Variants in CDA observed in about 807,000 individuals in gnomAD.
CDA encodes the protein cytidine deaminase.
CDA carries 7 observed loss-of-function variants against 15.0 expected under a neutral mutation model. The observed-to-expected ratio is 0.47, with a 90% confidence interval of 0.26 to 0.87. The LOEUF is 0.87. CDA is among the 40% of genes least tolerant of loss of function. CDA has a pLI of 0.15. For synonymous variants in CDA, 58 were observed against 73.0 expected (o/e 0.79, Z 1.05); for missense variants, 159 against 182.7 (o/e 0.87, Z 0.75).
chr1:20,614,172 C>T (rs2052782148), intron 3 of CDA, among the ~76,000 whole-genome samples: 1 of 152,178 alleles, frequency 6.6e-6, no homozygotes. Context: ...ATGGGCCAGG[C>T]CCTGCCCTCA....
At chr1:20,593,377 T>A (rs1350539792) in intron 1 of CDA, among the ~76,000 whole-genome samples, 1 of 152,176 alleles carries the variant, frequency 6.6e-6, no homozygotes, top group African/African-American at 2.4e-5. Flanking sequence ...GTACTTCCTA[T>A]GGTCAACGTC....
chr1:20,597,778 G>T (rs2052603490), intron 1 of CDA, among the ~76,000 whole-genome samples: 1 of 152,166 alleles, frequency 6.6e-6, no homozygotes, highest in South Asian at 2.1e-4. Context: ...AAACAGAATT[G>T]GTTTGCCTGG....
intron 2 of CDA, among the ~76,000 whole-genome samples, chr1:20,609,300 C>T (rs1434080784): frequency 3.3e-5 from 5 of 152,068 alleles, no homozygotes; most frequent in Admixed American, 6.6e-5. Flanking sequence ...CTGCCTAACA[C>T]GGTGAAACCC....
In CDA at chr1:20,613,894, A is replaced by T; in HGVS notation, c.319A>T (p.Arg107Ter). 6.2e-7 allele frequency: 1 copy of T among 1,613,698 alleles called. No homozygotes were observed. Among genetic ancestry groups the T allele is most frequent in the South Asian group, 1.1e-5 (1 of 91,060 alleles). Residue 107 changes from arginine (R) to a stop codon, truncating the protein, a stop_gained, in exon 3 of 4, where the codon AGA becomes TGA. Transcript: ENST00000375071. LOFTEE classifies it high-confidence loss of function. ...ATGTGGGGCCTGCAGGCAAGTCATG[A>T]GAGAGGTAAGCAGCTTCTCTTGCTG... is the stretch of plus-strand genomic sequence containing the variant. ...SPCGACRQVM[R>*]EFGTNWPVYM...
At chr1:20,601,357 G>T (rs1321613347) in intron 1 of CDA, among the ~76,000 whole-genome samples, 1 of 152,226 alleles carries the variant, frequency 6.6e-6, no homozygotes, top group Non-Finnish European at 1.5e-5. Flanking sequence ...TAGGAGACAA[G>T]ATGGCAGCTC....
At chr1:20,598,651 G>A (rs773648037) in intron 1 of CDA, among the ~76,000 whole-genome samples, 2 of 152,210 alleles carry the variant, frequency 1.3e-5, no homozygotes, top group Non-Finnish European at 2.9e-5. Flanking sequence ...TGCCCTGACA[G>A]GATGGAGAGA....
intron 1 of CDA, among the ~76,000 whole-genome samples, chr1:20,592,570 C>G (rs187220559): frequency 1.1e-4 from 17 of 152,242 alleles, no homozygotes; most frequent in African/African-American, 4.1e-4. Flanking sequence ...GTGACAGGTG[C>G]TCAGCAAGGG....
chr1:20,615,131 A>C (rs2052789641), intron 3 of CDA, among the ~76,000 whole-genome samples: 1 of 151,856 alleles, frequency 6.6e-6, no homozygotes, highest in Non-Finnish European at 1.5e-5. Flanking sequence ...AAGTGCTGGG[A>C]TTACAGGCGT....
intron 3 of CDA, 122 bp from the exon 4 acceptor site, chr1:20,618,330 A>G (rs2052837025): frequency 1.4e-6 from 1 of 704,846 alleles, no homozygotes; most frequent in Admixed American, 2.0e-5. Context: ...CCCCTTTTAC[A>G]GATGAGAAAA....
chr1:20,590,764 C>T (rs1459960232), intron 1 of CDA, among the ~76,000 whole-genome samples: 1 of 152,206 alleles, frequency 6.6e-6, no homozygotes, highest in Non-Finnish European at 1.5e-5. Context: ...TCAGAACAGG[C>T]ACTCAATAAC....
rs139263960 is a variant in CDA, at chr1:20,613,867, C to T, written c.292C>T (p.Pro98Ser). Residue 98 changes from proline (P) to serine (S), a missense_variant, in exon 3 of 4, where the codon CCA becomes TCA. Pro to Ser is a moderately conservative substitution (Grantham distance 74). Transcript: ENST00000375071. Reference protein sequence around the residue: ...ASDMQDDFISPCGACRQVMRE... With the variant: ...ASDMQDDFISSCGACRQVMRE... ...TGACATGCAAGATGATTTTATCTCT[C>T]CATGTGGGGCCTGCAGGCAAGTCAT... is the stretch of plus-strand genomic sequence containing the variant. 16 of 1,614,006 alleles carry T rather than the reference C, an allele frequency of 9.9e-6. No individual in the cohort carries two copies. Among genetic ancestry groups the T allele is most frequent in the Non-Finnish European group, 1.4e-5 (16 of 1,179,922 alleles).
At chr1:20,602,748 G>A (rs1046776107) in intron 1 of CDA, among the ~76,000 whole-genome samples, 1 of 152,180 alleles carries the variant, frequency 6.6e-6, no homozygotes, top group African/African-American at 2.4e-5. Flanking sequence ...GGCCAGGCTT[G>A]TGGCTTCTTT....
chr1:20,595,375 C>G (rs1315294230), intron 1 of CDA, among the ~76,000 whole-genome samples: 1 of 152,102 alleles, frequency 6.6e-6, no homozygotes, highest in African/African-American at 2.4e-5. Flanking sequence ...GATTCTGTCC[C>G]TGGTCTCCCT....
chr1:20,590,712 T>C (rs2052539776), intron 1 of CDA, among the ~76,000 whole-genome samples: 1 of 152,226 alleles, frequency 6.6e-6, no homozygotes, highest in African/African-American at 2.4e-5. Context: ...TGAATCTTTG[T>C]GCCATTGACT....
At chr1:20,597,737 T>C (rs1242715203) in intron 1 of CDA, among the ~76,000 whole-genome samples, 3 of 152,208 alleles carry the variant, frequency 2.0e-5, no homozygotes, top group Non-Finnish European at 4.4e-5. Flanking sequence ...CTCTCTCATG[T>C]ATGTTTTGAA....
chr1:20,605,307 C>T (rs1035836807), intron 2 of CDA, among the ~76,000 whole-genome samples: 1 of 152,128 alleles, frequency 6.6e-6, no homozygotes, highest in Admixed American at 6.5e-5. Flanking sequence ...AGCAACACAA[C>T]GTGATACAGA....
intron 1 of CDA, among the ~76,000 whole-genome samples, chr1:20,597,864 C>G (rs1305424684): frequency 6.7e-6 from 1 of 150,080 alleles, no homozygotes; most frequent in Non-Finnish European, 1.5e-5. Flanking sequence ...AGTACGTGGG[C>G]AAAGGCTTCC....
chr1:20,594,123 A>C lies in CDA; in HGVS notation c.154+4840A>C, dbSNP rs575340112. On this transcript the variant is annotated intron_variant, in intron 1 of 3. Transcript: ENST00000375071. ...GTGACTTTCTCCAGCTAAACACAAG[A>C]CCGGCACAGGTGAAGGCTTCCCCCT... Among the ~76,000 whole-genome samples, 266 of 152,304 alleles carry C rather than the reference A, an allele frequency of 1.7e-3. 1 individual carries two copies. The highest frequency in any genetic ancestry group is 5.4e-3 in the African/African-American group (224 of 41,570).
chr1:20,612,788 C>G (rs2052765160), intron 2 of CDA, among the ~76,000 whole-genome samples: 1 of 151,828 alleles, frequency 6.6e-6, no homozygotes. Flanking sequence ...ACTAAAATTA[C>G]AAAAATTAGC....
Sources: allele counts gnomAD v4.1 joint callset (sites outside exome capture counted in the v4.1 genomes callset), GRCh38; gene constraint gnomAD v4.1.1; transcripts MANE v1.5; gene names NCBI Gene and HGNC (gene_info 2026-07-23, HGNC 2026-07-21).